The following TRAK1 variants were observed in gnomAD, a reference collection of about 807,000 sequenced individuals.
TRAK1 encodes trafficking kinesin protein 1.
A neutral mutation model predicts 92.1 loss-of-function variants in TRAK1; 33 were observed. The observed-to-expected ratio is 0.36, with a 90% CI of 0.27 to 0.48. TRAK1 has a LOEUF of 0.48. TRAK1 is among the 20% of genes least tolerant of loss of function. The probability of loss-of-function intolerance (pLI) is 0.99; values close to 1 mark genes in which losing one functional copy is unlikely to be tolerated. For synonymous variants in TRAK1, 521 were observed against 517.3 expected, an observed-to-expected ratio of 1.01 and a Z score of -0.10; for missense variants, 1,123 against 1,257.9, an observed-to-expected ratio of 0.89 and a Z score of 1.62.
At chr3:42,059,892 GATT>G (rs1703355132) in intron 1 of TRAK1, among the ~76,000 whole-genome samples, 1 of 152,112 alleles carries the variant, frequency 6.6e-6, no homozygotes, top group African/African-American at 2.4e-5. Context: ...GAATGAGTGA[GATT>G]ATATAAAGTA....
intron 2 of TRAK1, among the ~76,000 whole-genome samples, chr3:42,172,527 A>C (rs1022599958): frequency 1.3e-5 from 2 of 152,142 alleles, no homozygotes; most frequent in African/African-American, 4.8e-5. Flanking sequence ...ATTGCTGCAC[A>C]CTGGAGCCAA....
intron 1 of TRAK1, among the ~76,000 whole-genome samples, chr3:42,052,292 A>G (rs952495917): frequency 6.6e-6 from 1 of 152,194 alleles, no homozygotes; most frequent in East Asian, 1.9e-4. Context: ...TCAGAAATGC[A>G]AATTCTTGGG....
At chr3:42,161,017 T>A (rs1034773636) in intron 2 of TRAK1, among the ~76,000 whole-genome samples, 2 of 152,216 alleles carry the variant, frequency 1.3e-5, no homozygotes, top group Non-Finnish European at 1.5e-5. Flanking sequence ...TGTTTATTTT[T>A]AAAAAAATTA....
At chr3:42,041,061 T>C (rs1322393896) in intron 1 of TRAK1, among the ~76,000 whole-genome samples, 1 of 149,882 alleles carries the variant, frequency 6.7e-6, no homozygotes, top group East Asian at 2.0e-4. Flanking sequence ...GTTTTTTTTT[T>C]CCCCAAGATT....
At chr3:42,179,316 T>A (rs900629587) in intron 3 of TRAK1, among the ~76,000 whole-genome samples, 3 of 152,244 alleles carry the variant, frequency 2.0e-5, no homozygotes, top group African/African-American at 7.2e-5. Flanking sequence ...TTTCCTGGGC[T>A]TTGGCTCTGT....
intron 1 of TRAK1, among the ~76,000 whole-genome samples, chr3:42,103,466 T>C (rs1158235579): frequency 6.6e-6 from 1 of 152,224 alleles, no homozygotes; most frequent in African/African-American, 2.4e-5. Context: ...TGAGCCACTA[T>C]GCCTGGCCAT....
Position 42,079,474 on chromosome 3 carries a change from C to CTTTTTTTTTTTTTTTTTTTTTTTT in TRAK1, c.-518-7628_-518-7627insTTTTTTTTTTTTTTTTTTTTTTTT, listed in dbSNP as rs374173062. On this transcript the variant is annotated intron_variant, in intron 1 of 16. Transcript: ENST00000487159. ...GAGTTTGTCGTGAAGGAAGCTCCTTCTTCTTTTTTTTTTTTTTTTGTTTTG... is the reference window on the plus strand; with the variant it reads ...GAGTTTGTCGTGAAGGAAGCTCCTTCTTTTTTTTTTTTTTTTTTTTTTTTTTCTTTTTTTTTTTTTTTTGTTTTG... Among the ~76,000 whole-genome samples the CTTTTTTTTTTTTTTTTTTTTTTTT allele has an allele frequency of 9.7e-5, 13 of 133,944 alleles. 3 individuals are homozygous for CTTTTTTTTTTTTTTTTTTTTTTTT. The highest frequency in any genetic ancestry group is 1.3e-4 in the Non-Finnish European group (8 of 63,780). The allele number at this position is 133,944 out of a possible 152,430, so 87.9% of individuals were successfully genotyped here.
chr3:42,094,904 G>A (rs1705669344), intron 1 of TRAK1, among the ~76,000 whole-genome samples: 1 of 152,214 alleles, frequency 6.6e-6, no homozygotes, highest in Non-Finnish European at 1.5e-5. Flanking sequence ...TTGAGGCCCG[G>A]GAACTGGTGT....
intron 11 of TRAK1, among the ~76,000 whole-genome samples, chr3:42,200,339 A>T (rs1209892021): frequency 1.3e-5 from 2 of 152,218 alleles, no homozygotes; most frequent in South Asian, 2.1e-4. Context: ...CTTATTATAG[A>T]AGTGAAAGAC....
rs188068916 is a variant in TRAK1 at position 42,074,086 on chromosome 3, C to G, written c.-518-13018C>G. Among the ~76,000 whole-genome samples the G allele has an allele frequency of 2.6e-3, 403 of 152,302 alleles. 12 individuals carry two copies. Among genetic ancestry groups the G allele is most frequent in the Admixed American group, 0.024 (360 of 15,292 alleles). ...ATCACATGGAATGTCCGATTCTCCA[C>G]TGGACCATGAGCTCCTTTAAGAGCA... is the stretch of plus-strand genomic sequence containing the variant. On this transcript the variant is annotated intron_variant, in intron 1 of 16. Coordinates refer to the TRAK1 transcript ENST00000487159.
chr3:42,056,634 T>A (rs1640394979), intron 1 of TRAK1, among the ~76,000 whole-genome samples: 1 of 152,184 alleles, frequency 6.6e-6, no homozygotes, highest in African/African-American at 2.4e-5. Flanking sequence ...AATTTTGAAA[T>A]TAAAAACATT....
rs545912980 is a variant in TRAK1, at chr3:42,110,024, A to C, written c.92-15396A>C. Among the ~76,000 whole-genome samples the C allele has an allele frequency of 5.6e-5, 8 of 142,296 alleles. No individual in the cohort carries two copies. The East Asian group carries it at 1.6e-3, about 29-fold the overall frequency. 93.4% of individuals were successfully genotyped at this position (142,296 alleles called of 152,430 possible). A position where few individuals can be genotyped will look rare whatever the true frequency, so the allele number is the denominator to read the frequency against. ...TAAATGATGAGTTAATGGGTGCAGC[A>C]CACCAACATGGCACATGTATACATA... On this transcript the variant is annotated intron_variant, in intron 1 of 15. Transcript: ENST00000327628.
chr3:42,168,592 T>G (rs1702159366), intron 2 of TRAK1, among the ~76,000 whole-genome samples: 1 of 152,010 alleles, frequency 6.6e-6, no homozygotes, highest in Admixed American at 6.6e-5. Context: ...TCTGCTTTCT[T>G]TTTTTTTGAG....
chr3:42,035,991 G>C (rs111264638), intron 1 of TRAK1, among the ~76,000 whole-genome samples: 2 of 152,308 alleles, frequency 1.3e-5, no homozygotes, highest in South Asian at 4.1e-4. Flanking sequence ...TCAGACCTAC[G>C]GTTGGCCTGG....
chr3:42,219,002 A>G (rs1413593702), intron 14 of TRAK1: 1 of 985,302 alleles, frequency 1.0e-6, no homozygotes, highest in Non-Finnish European at 1.2e-6. Context: ...TTGTGTAAGC[A>G]GAAAGGGAGC....
chr3:42,036,086 C>T (rs910087591), intron 1 of TRAK1, among the ~76,000 whole-genome samples: 13 of 152,156 alleles, frequency 8.5e-5, no homozygotes, highest in African/African-American at 2.7e-4. Context: ...GTCTGCGGCC[C>T]CTTGAAAGTA....
At chr3:42,141,890 C>G (rs1300996324) in intron 2 of TRAK1, among the ~76,000 whole-genome samples, 1 of 152,140 alleles carries the variant, frequency 6.6e-6, no homozygotes, top group East Asian at 1.9e-4. Context: ...AATCCCAGCA[C>G]TTTGGGAGGC....
intron 1 of TRAK1, among the ~76,000 whole-genome samples, chr3:42,058,935 ACCATCT>A (rs1479640321): frequency 6.6e-6 from 1 of 152,256 alleles, no homozygotes; most frequent in Non-Finnish European, 1.5e-5. Flanking sequence ...TTTACTCTTT[ACCATCT>A]GCTCTGTGCT....
intron 2 of TRAK1, among the ~76,000 whole-genome samples, chr3:42,173,261 G>T (rs1336648463): frequency 6.6e-6 from 1 of 152,082 alleles, no homozygotes; most frequent in African/African-American, 2.4e-5. Flanking sequence ...GCACTCCTTG[G>T]GTCAGAAATG....
Sources: gnomAD v4.1 joint callset for allele counts (sites outside exome capture counted in the v4.1 genomes callset) on GRCh38, gnomAD v4.1.1 for gene constraint, MANE v1.5 for transcripts, NCBI Gene and HGNC (gene_info 2026-07-23, HGNC 2026-07-21) for gene names.